Variants in C12orf43 observed in about 807,000 individuals in gnomAD.
C12orf43 encodes the protein chromosome 12 open reading frame 43.
C12orf43 carries 15 observed loss-of-function variants against 20.6 expected under a neutral mutation model. The observed-to-expected ratio is 0.73, with a 90% CI of 0.49 to 1.12. The LOEUF (loss-of-function observed/expected upper bound fraction) is 1.12. C12orf43 is among the 50% of genes most tolerant of loss of function. The probability of loss-of-function intolerance (pLI) is 0.00; values close to 1 mark genes in which losing one functional copy is unlikely to be tolerated. For synonymous variants in C12orf43, 144 were observed against 130.8 expected (o/e 1.10, Z -0.69); for missense variants, 334 against 344.4 (o/e 0.97, Z 0.24).
chr12:121,006,203 G>C (rs1877998852), intron 4 of C12orf43, 118 bp downstream of exon 4: 3 of 860,374 alleles, frequency 3.5e-6, no homozygotes, highest in African/African-American at 1.8e-5. Context: ...GTGGCAGAGA[G>C]AGTTCCTATC....
Position 121,016,327 on chromosome 12 carries a change from T to C in C12orf43, c.145+3A>G, listed in dbSNP as rs202123788. The stretch of plus-strand genomic sequence containing the variant: ...GCCAGTCTCCCCAAACATAGTACCC[T>C]ACCGGCTCTTGGCTTCCCTGCCACG... On this transcript the variant is annotated splice_donor_region_variant and intron_variant, in intron 1 of 5. Transcript: ENST00000288757. 1.3e-5 allele frequency: 21 copies of C among 1,613,594 alleles called. No individual in the cohort carries two copies. The Admixed American group carries it at 3.0e-4, about 23-fold the overall frequency.
rs1209001177 is a variant in C12orf43, at chr12:121,003,448, GATGTTTACTTAAA to G, written c.*692_*704del. 6.6e-6 allele frequency: 1 copy of G among 152,182 alleles called. No individual in the cohort carries two copies. Among genetic ancestry groups the G allele is most frequent in the Non-Finnish European group, 1.5e-5 (1 of 68,064 alleles). 9.4% of individuals were successfully genotyped at this position (152,182 alleles called of 1,614,324 possible). The stretch of plus-strand genomic sequence containing the variant: ...ATCCTGGGGGTGTAGAGAGGAGGAG[GATGTTTACTTAAA>G]ATGTCTTAAGGTTCAGCATTGACAG... On this transcript the variant is annotated 3_prime_UTR_variant, in exon 6 of 6. Transcript: ENST00000288757.
At chr12:121,006,223 G>GA (rs1013126684) in intron 4 of C12orf43, 98 bp downstream of exon 4, 18,950 of 433,776 alleles carry the variant, frequency 0.044, no homozygotes, top group Non-Finnish European at 0.05. Flanking sequence ...CTCAAAAAAA[G>GA]AAAAAAAAAA....
rs1877960076 is a variant in C12orf43, at chr12:121,005,723, C to A, written c.361+598G>T. On this transcript the variant is annotated intron_variant, in intron 4 of 5. Coordinates refer to ENST00000288757, the MANE Select transcript of C12orf43 (RefSeq NM_022895.3). This position sits in a 1 kb window ranked among gnomAD's most constrained non-coding sequence, Gnocchi z 5.6. ...GCCTCAGGCAAATGACTTCGTTTCT[C>A]AGGGCCTCAGTCTCCTTGTCTGTAC... Among the ~76,000 whole-genome samples the A allele has an allele frequency of 6.6e-6, 1 of 152,226 alleles. No homozygotes were observed. The highest frequency in any genetic ancestry group is 1.5e-5 in the Non-Finnish European group (1 of 68,028).
chr12:121,006,471 G>A, intron 3 of C12orf43, 77 bp from the exon 4 acceptor site: 1 of 1,373,686 alleles, frequency 7.3e-7, no homozygotes, highest in South Asian at 1.2e-5. Context: ...TTCAAGTGGA[G>A]GGGATGGGGT....
At chr12:121,012,921 A>AAATG in intron 1 of C12orf43, among the ~76,000 whole-genome samples, 1 of 151,170 alleles carries the variant, frequency 6.6e-6, no homozygotes, top group African/African-American at 2.4e-5. Context: ...AGGGCGTGAG[A>AAATG]AATGAGTGAA....
chr12:121,002,733 C>G lies in C12orf43; in HGVS notation c.*1420G>C. 3.2e-6 allele frequency: 1 copy of G among 312,774 alleles called. No homozygotes were observed. Among genetic ancestry groups the G allele is most frequent in the Non-Finnish European group, 6.3e-6 (1 of 159,728 alleles). The allele number at this position is 312,774 out of a possible 1,614,324, so 19.4% of individuals were successfully genotyped here. ...AAAAATTTTGTTTTGGAGACAGGGT[C>G]TCACTGTCACCCAGGCTGGACTGCA... On this transcript the variant is annotated 3_prime_UTR_variant, in exon 6 of 6. Transcript: ENST00000288757.
Position 121,003,648 on chromosome 12 carries a change from A to C in C12orf43, c.*505T>G. On this transcript the variant is annotated 3_prime_UTR_variant, in exon 6 of 6. Transcript: ENST00000288757. ...GGGTGAAAAAGCTCTCCTTTCTCAG[A>C]CGATTCTGTGAAGTCTATGTGGGCT... 6.5e-6 allele frequency: 1 copy of C among 154,686 alleles called. No homozygotes were observed. The highest frequency in any genetic ancestry group is 1.4e-5 in the Non-Finnish European group (1 of 69,700). The allele number at this position is 154,686 out of a possible 1,614,324, so 9.6% of individuals were successfully genotyped here.
In C12orf43 at chr12:121,005,525, G is replaced by A. The variant is rs1877943201; in HGVS notation, c.362-432C>T. Among the ~76,000 whole-genome samples, 1 of 152,248 alleles carries A rather than the reference G, an allele frequency of 6.6e-6. No individual in the cohort carries two copies. The highest frequency in any genetic ancestry group is 6.5e-5 in the Admixed American group (1 of 15,288). On this transcript the variant is annotated intron_variant, in intron 4 of 5. Transcript: ENST00000288757. The surrounding 1 kb of genome is among the most constrained non-coding windows in gnomAD (Gnocchi z 5.6). ...GGAGGGCGCGCTGGAGCAGGAGCCA[G>A]CAGCCACATCAGCTCAGCAAGCCCT... is the stretch of plus-strand genomic sequence containing the variant.
intron 3 of C12orf43, 70 bp downstream of exon 3, chr12:121,010,757 TC>T: frequency 7.9e-7 from 1 of 1,259,442 alleles, no homozygotes. Flanking sequence ...CACCGTGAGC[TC>T]CCAGCCAATG....
At position 121,016,481 on chromosome 12, in the gene C12orf43, C is replaced by T; in HGVS notation, c.-7G>A. 3 of 1,613,976 alleles carry T rather than the reference C, an allele frequency of 1.9e-6. No individual in the cohort carries two copies. The highest frequency in any genetic ancestry group is 1.7e-6 in the Non-Finnish European group (2 of 1,179,988). On this transcript the variant is annotated 5_prime_UTR_variant, in exon 1 of 6. Transcript: ENST00000288757. ...TGCCACTGGGCGCCGCCATCTTGAA[C>T]CACCGCAAAGGATTGTGGAGAACAC...
chr12:121,006,471 G>T lies in C12orf43; in HGVS notation c.288-77C>A, dbSNP rs904817069. ...AAAACAAAATTCTTTTTCAAGTGGA[G>T]GGGATGGGGTATGTGATTGTAAATG... On this transcript the variant is annotated intron_variant, in intron 3 of 5. Transcript: ENST00000288757. 43 of 1,373,684 alleles carry T rather than the reference G, an allele frequency of 3.1e-5. No homozygotes were observed. In the African/African-American group the frequency reaches 5.1e-4, roughly 16 times the overall value. The allele number at this position is 1,373,684 out of a possible 1,614,324, so 85.1% of individuals were successfully genotyped here. A position where few individuals can be genotyped will look rare whatever the true frequency, so the allele number is the denominator to read the frequency against.
Position 121,001,676 on chromosome 12 carries a change from T to G in C12orf43, c.*2477A>C. On this transcript the variant is annotated 3_prime_UTR_variant, in exon 6 of 6. Transcript: ENST00000288757. The stretch of plus-strand genomic sequence containing the variant: ...GTCACCAATGTACCCACCGGGCCAC[T>G]CCTTCCTGCCCCAACTCCTTCCAGC... 2.1e-6 allele frequency: 1 copy of G among 467,932 alleles called. No individual in the cohort carries two copies. Among genetic ancestry groups the G allele is most frequent in the South Asian group, 1.9e-5 (1 of 53,920 alleles). The allele number at this position is 467,932 out of a possible 1,614,324, so 29.0% of individuals were successfully genotyped here. A position where few individuals can be genotyped will look rare whatever the true frequency, so the allele number is the denominator to read the frequency against.
Position 121,001,843 on chromosome 12 carries a change from T to C in C12orf43, c.*2310A>G. ...CTAACAGGGAAGGCAGGCAGGGCTC[T>C]CCTGGCTTCCCATCCCCAGCGATTC... is the stretch of plus-strand genomic sequence containing the variant. On this transcript the variant is annotated 3_prime_UTR_variant, in exon 6 of 6. Transcript: ENST00000288757. 1.9e-6 allele frequency: 1 copy of C among 529,052 alleles called. No individual in the cohort carries two copies. The highest frequency in any genetic ancestry group is 3.9e-5 in the East Asian group (1 of 25,710). The allele number at this position is 529,052 out of a possible 1,614,324, so 32.8% of individuals were successfully genotyped here. A position where few individuals can be genotyped will look rare whatever the true frequency, so the allele number is the denominator to read the frequency against.
At position 121,016,331 on chromosome 12, in the gene C12orf43, G is replaced by A; in HGVS notation, c.144C>T (p.Ala48=). 6.2e-7 allele frequency: 1 copy of A among 1,613,650 alleles called. No homozygotes were observed. ...QRPHVAGKPR[A]GAANSQLSTS... ...GTCTCCCCAAACATAGTACCCTACC[G>A]GCTCTTGGCTTCCCTGCCACGTGCG... Residue 48 remains alanine (A), a splice_region_variant and synonymous_variant, in exon 1 of 6, where the codon GCC becomes GCT. Transcript: ENST00000288757.
rs1418004162 is a variant in C12orf43 at position 121,001,043 on chromosome 12, G to A, written c.*3110C>T. On this transcript the variant is annotated 3_prime_UTR_variant, in exon 6 of 6. Coordinates refer to ENST00000288757, the MANE Select transcript of C12orf43 (RefSeq NM_022895.3). The stretch of plus-strand genomic sequence containing the variant: ...GGTGTGGGTGCCTGGTGGGTGGCTA[G>A]CAGCCTTGTTTGCCTCTGCAGTGTC... 2 of 1,612,132 alleles carry A rather than the reference G, an allele frequency of 1.2e-6. No homozygotes were observed.
chr12:121,008,822 A>C (rs900434579), intron 3 of C12orf43, among the ~76,000 whole-genome samples: 1 of 152,230 alleles, frequency 6.6e-6, no homozygotes, highest in African/African-American at 2.4e-5. Context: ...AAACCCTGCC[A>C]GGGCTCTGCC....
chr12:121,007,311 T>C (rs1456562802), intron 3 of C12orf43: 1 of 152,178 alleles, frequency 6.6e-6, no homozygotes, highest in Non-Finnish European at 1.5e-5. Context: ...ACATCACAAC[T>C]AGGAAATGCA....
intron 3 of C12orf43, among the ~76,000 whole-genome samples, chr12:121,008,015 C>T (rs1332026362): frequency 3.2e-5 from 1 of 31,236 alleles, no homozygotes; most frequent in Non-Finnish European, 6.0e-5. Context: ...TGTTGGTAAA[C>T]ATCCTATAAT....
Sources: gnomAD v4.1 joint callset for allele counts (sites outside exome capture counted in the v4.1 genomes callset) on GRCh38, gnomAD v4.1.1 for gene constraint, Gnocchi (gnomAD v3.1) non-coding constraint, MANE v1.5 for transcripts, NCBI Gene and HGNC (gene_info 2026-07-23, HGNC 2026-07-21) for gene names.